The following SLC9C1 variants were observed in gnomAD, a reference collection of about 807,000 sequenced individuals.
The protein encoded by SLC9C1 is sodium/hydrogen exchanger 10.
In SLC9C1, 97 loss-of-function variants were observed where a neutral mutation model predicts 140.9. That is an observed-to-expected ratio of 0.69 (90% confidence interval 0.58 to 0.82). The LOEUF (loss-of-function observed/expected upper bound fraction) is 0.82, where lower values mean the gene tolerates loss of function less well. Ranked by LOEUF, SLC9C1 falls within the 40% of genes least tolerant of loss-of-function variation. The pLI is 0.00. For missense variants in SLC9C1, 1,340 were observed against 1,389.3 expected (o/e 0.96, Z 0.56); for synonymous variants, 440 against 442.6 (o/e 0.99, Z 0.07).
Position 112,179,270 on chromosome 3 carries a change from A to G in SLC9C1, c.2919+261T>C, listed in dbSNP as rs73853326. On this transcript the variant is annotated intron_variant, in intron 23 of 28. Transcript: ENST00000305815. ...ATTGACAATTAACATATGTTAGCCA[A>G]TTTCCCCATGAAAGAGCTTATATTG... Among the ~76,000 whole-genome samples, 1,160 of 152,124 alleles carry G rather than the reference A, an allele frequency of 7.6e-3. 17 individuals carry two copies. The highest frequency in any genetic ancestry group is 0.025 in the African/African-American group (1,040 of 41,488).
chr3:112,231,337 T>C (rs2078821303), intron 13 of SLC9C1, 24 bp downstream of exon 13: 1 of 1,609,486 alleles, frequency 6.2e-7, no homozygotes, highest in Non-Finnish European at 8.5e-7. Context: ...CCAAACATAA[T>C]TTCAAAAGAG....
intron 28 of SLC9C1, among the ~76,000 whole-genome samples, chr3:112,148,762 T>A (rs1041712644): frequency 7.2e-5 from 11 of 152,058 alleles, no homozygotes; most frequent in Non-Finnish European, 1.5e-4. Context: ...CTTGAGGGGA[T>A]GGGGAGTAGG....
chr3:112,167,052 T>C (rs1395616114), intron 26 of SLC9C1, among the ~76,000 whole-genome samples, 169 bp downstream of exon 26: 1 of 152,200 alleles, frequency 6.6e-6, no homozygotes, highest in Non-Finnish European at 1.5e-5. Flanking sequence ...TTTAAAAATG[T>C]AACTTCAATA....
At chr3:112,172,488 T>C (rs2077264832) in intron 23 of SLC9C1, among the ~76,000 whole-genome samples, 1 of 152,128 alleles carries the variant, frequency 6.6e-6, no homozygotes, top group Admixed American at 6.5e-5. Flanking sequence ...TATCATGCCA[T>C]CTTGCAGAGA....
chr3:112,161,005 T>C (rs2075280780), intron 26 of SLC9C1, among the ~76,000 whole-genome samples: 1 of 152,258 alleles, frequency 6.6e-6, no homozygotes, highest in South Asian at 2.1e-4. Flanking sequence ...TTGATTTGCA[T>C]TTCTCTGATG....
Position 112,141,191 on chromosome 3 carries a change from T to G in SLC9C1, c.*81A>C, listed in dbSNP as rs1010801377. 2.9e-6 allele frequency: 4 copies of G among 1,384,790 alleles called. No homozygotes were observed. The African/African-American group carries it at 4.5e-5, about 16-fold the overall frequency. 85.8% of individuals were successfully genotyped at this position (1,384,790 alleles called of 1,614,324 possible). A position where few individuals can be genotyped will look rare whatever the true frequency, so the allele number is the denominator to read the frequency against. The stretch of plus-strand genomic sequence containing the variant: ...GATCCAACCTGAAGTTACTCCTTCT[T>G]GATGTAGGGAAGTGTGTTTCTGCAG... On this transcript the variant is annotated 3_prime_UTR_variant, in exon 29 of 29. Coordinates refer to ENST00000305815, the MANE Select transcript of SLC9C1 (RefSeq NM_183061.3).
chr3:112,214,629 G>C (rs1395195567), intron 15 of SLC9C1, among the ~76,000 whole-genome samples: 2 of 152,008 alleles, frequency 1.3e-5, no homozygotes, highest in African/African-American at 4.8e-5. Flanking sequence ...ATAAATTCCT[G>C]GACAATACAC....
chr3:112,202,524 TG>T, intron 17 of SLC9C1, 125 bp from the exon 18 acceptor site: 1 of 887,752 alleles, frequency 1.1e-6, no homozygotes, highest in Non-Finnish European at 1.6e-6. Flanking sequence ...TACAATAACC[TG>T]TCAAGGTTCT....
At chr3:112,198,177 T>C (rs2077814353) in intron 20 of SLC9C1, among the ~76,000 whole-genome samples, 1 of 152,016 alleles carries the variant, frequency 6.6e-6, no homozygotes, top group African/African-American at 2.4e-5. Flanking sequence ...TGTTATGTAT[T>C]TTATATTAGG....
chr3:112,162,330 G>C (rs1465479117), intron 26 of SLC9C1, among the ~76,000 whole-genome samples: 1 of 152,022 alleles, frequency 6.6e-6, no homozygotes, highest in African/African-American at 2.4e-5. Context: ...GGTGAGAGAG[G>C]GCATCCCTGT....
chr3:112,277,857 G>T lies in SLC9C1; in HGVS notation c.322C>A (p.Leu108Ile), dbSNP rs2080258137. The T allele has an allele frequency of 6.3e-7, 1 of 1,591,148 alleles. No homozygotes were observed. Among genetic ancestry groups the T allele is most frequent in the South Asian group, 1.2e-5 (1 of 86,486 alleles). Residue 108 changes from leucine (L) to isoleucine (I), a missense_variant, in exon 5 of 29, where the codon CTT becomes ATT. Physicochemically the swap from Leu to Ile is conservative, Grantham distance 5. Transcript: ENST00000305815. ...YMLQKLFWQI[L>I]LISIPGFLVN... ...AAAAAGCCGGGAATTGAAATTAAAAGTATCTGCAAAGAAATTTTACAATTA... is the reference window on the plus strand; with the variant it reads ...AAAAAGCCGGGAATTGAAATTAAAATTATCTGCAAAGAAATTTTACAATTA...
chr3:112,156,770 A>G (rs1437309104), intron 26 of SLC9C1, among the ~76,000 whole-genome samples: 4 of 151,916 alleles, frequency 2.6e-5, no homozygotes. Context: ...GCATTTCTCT[A>G]TTTTTAGTGA....
In SLC9C1 at chr3:112,253,142, G is replaced by A. The variant is rs560099119; in HGVS notation, c.1198-9066C>T. Among the ~76,000 whole-genome samples, 152 of 152,248 alleles carry A rather than the reference G, an allele frequency of 1.0e-3. 1 individual carries two copies. The highest frequency in any genetic ancestry group is 3.6e-3 in the African/African-American group (148 of 41,546). On this transcript the variant is annotated intron_variant, in intron 10 of 28. Coordinates refer to ENST00000305815, the MANE Select transcript of SLC9C1 (RefSeq NM_183061.3). ...AGCTTGGGCCCACAGCACAGATCCC[G>A]CATTCTGGACAATTGCACTGAATGA...
At chr3:112,254,855 C>G (rs1204873168) in intron 10 of SLC9C1, among the ~76,000 whole-genome samples, 1 of 152,074 alleles carries the variant, frequency 6.6e-6, no homozygotes, top group Non-Finnish European at 1.5e-5. Context: ...CCCCTTTCAT[C>G]TGCAGTGACA....
At chr3:112,233,113 G>A (rs2078878367) in intron 12 of SLC9C1, among the ~76,000 whole-genome samples, 1 of 148,552 alleles carries the variant, frequency 6.7e-6, no homozygotes, top group South Asian at 2.1e-4. Context: ...TTGCTGCCCA[G>A]GCTGGAGTGC....
intron 1 of SLC9C1, among the ~76,000 whole-genome samples, chr3:112,287,524 T>C (rs2080544120): frequency 6.6e-6 from 1 of 152,220 alleles, no homozygotes; most frequent in Non-Finnish European, 1.5e-5. Context: ...TTACATGTTC[T>C]ATTTCTTTGT....
intron 13 of SLC9C1, among the ~76,000 whole-genome samples, chr3:112,222,518 C>T (rs2078569234): frequency 6.6e-6 from 1 of 152,018 alleles, no homozygotes; most frequent in African/African-American, 2.4e-5. Flanking sequence ...CAAAAAGGTA[C>T]ATGGAGTATA....
At chr3:112,254,722 G>T (rs973421822) in intron 10 of SLC9C1, among the ~76,000 whole-genome samples, 7 of 152,154 alleles carry the variant, frequency 4.6e-5, no homozygotes, top group Non-Finnish European at 7.4e-5. Flanking sequence ...ACAATGGCAA[G>T]ATCAAATCCA....
In SLC9C1 at chr3:112,202,414, A is replaced by T. The variant is rs765430984; in HGVS notation, c.2173-15T>A. On this transcript the variant is annotated splice_polypyrimidine_tract_variant and intron_variant, in intron 17 of 28. Transcript: ENST00000305815. ...GGTGCTATGAGCTGAATTAAACAGG[A>T]CTTCCATTAATATAAATTGCACAAA... The T allele has an allele frequency of 1.3e-6, 2 of 1,569,268 alleles. No individual in the cohort carries two copies. The highest frequency in any genetic ancestry group is 1.7e-6 in the Non-Finnish European group (2 of 1,157,538).
Sources: gnomAD v4.1 joint callset for allele counts (sites outside exome capture counted in the v4.1 genomes callset) on GRCh38, gnomAD v4.1.1 for gene constraint, MANE v1.5 for transcripts, NCBI Gene and HGNC (gene_info 2026-07-23, HGNC 2026-07-21) for gene names.